The following GIT1 variants were observed in gnomAD, a reference collection of about 807,000 sequenced individuals.
GIT1 encodes the protein ARF GTPase-activating protein GIT1.
GIT1 carries 14 observed loss-of-function variants against 91.7 expected under a neutral mutation model. That is an observed-to-expected ratio of 0.15 (90% CI 0.10 to 0.24). The LOEUF is 0.24. Among genes scored for constraint, GIT1 ranks in the 10% least tolerant of loss-of-function variants. The pLI is 1.00. For synonymous variants in GIT1, 414 were observed against 418.2 expected, an observed-to-expected ratio of 0.99 and a Z score of 0.12; for missense variants, 717 against 1,024.9, an observed-to-expected ratio of 0.70 and a Z score of 4.10.
chr17:29,584,557 A>G (rs2033518140), intron 1 of GIT1, among the ~76,000 whole-genome samples: 1 of 152,154 alleles, frequency 6.6e-6, no homozygotes, highest in Non-Finnish European at 1.5e-5. Flanking sequence ...CAGGCTGCGG[A>G]AAGGTCACGG....
intron 1 of GIT1, 132 bp from the exon 2 acceptor site, chr17:29,583,748 G>A (rs2033484861): frequency 2.9e-6 from 3 of 1,035,610 alleles, no homozygotes; most frequent in Admixed American, 5.3e-5. Context: ...CCTAGGAGCT[G>A]GGACCATCAC....
At chr17:29,586,532 C>A (rs2033598953) in intron 1 of GIT1, among the ~76,000 whole-genome samples, 1 of 152,170 alleles carries the variant, frequency 6.6e-6, no homozygotes, top group African/African-American at 2.4e-5. Flanking sequence ...TTGACACACA[C>A]AAATTCTACC....
In GIT1 at chr17:29,576,225, T is replaced by C. The variant is rs374759955; in HGVS notation, c.1606A>G (p.Ser536Gly). The change falls in exon 14 of 20, where the codon AGC (serine) becomes GGC (glycine). Residue 536 changes from serine (S) to glycine (G), a missense_variant. Physicochemically the swap from Ser to Gly is moderately conservative, Grantham distance 56 (BLOSUM62 0). Transcript: ENST00000225394. Reference sequence around the variant, plus strand: ...GAGACCCATAGGTGACTCACAGTGCTGTGGAAAGGCTGCAGCCGCGTAGTG... The same window carrying C: ...GAGACCCATAGGTGACTCACAGTGCCGTGGAAAGGCTGCAGCCGCGTAGTG... Reference protein sequence around the residue: ...ELTTRLQPFHSTELEDDAIYS... With the variant: ...ELTTRLQPFHGTELEDDAIYS... The C allele has an allele frequency of 6.2e-7, 1 of 1,607,642 alleles. No individual in the cohort carries two copies. The highest frequency in any genetic ancestry group is 8.5e-7 in the Non-Finnish European group (1 of 1,175,400).
In GIT1 at chr17:29,576,641, C is replaced by A; in HGVS notation, c.1261G>T (p.Val421Leu). 2 of 1,614,028 alleles carry A rather than the reference C, an allele frequency of 1.2e-6. No homozygotes were observed. The highest frequency in any genetic ancestry group is 1.7e-6 in the Non-Finnish European group (2 of 1,179,998). The change falls in exon 13 of 20, where the codon GTG becomes TTG. Residue 421 changes from valine (V) to leucine (L), a missense_variant. Coordinates refer to ENST00000225394, the MANE Select transcript of GIT1 (RefSeq NM_014030.4). ...MDSSDLSDGA[V>L]TLQEYLELKK... ...AGCTCCAGGTACTCCTGCAGCGTCACAGCCCCGTCAGACAAGTCCGAGGAG... is the reference window on the plus strand; with the variant it reads ...AGCTCCAGGTACTCCTGCAGCGTCAAAGCCCCGTCAGACAAGTCCGAGGAG...
intron 2 of GIT1, 27 bp from the exon 3 acceptor site, chr17:29,583,064 G>C: frequency 7.0e-7 from 1 of 1,427,206 alleles, no homozygotes; most frequent in Non-Finnish European, 9.8e-7. Flanking sequence ...CCAAGTGAGA[G>C]AGTGCCCACT....
intron 1 of GIT1, among the ~76,000 whole-genome samples, chr17:29,587,251 T>C (rs1342856808): frequency 6.6e-6 from 1 of 152,100 alleles, no homozygotes; most frequent in Non-Finnish European, 1.5e-5. Flanking sequence ...AGGGCCAGCA[T>C]CCTAGGGTCC....
In GIT1 at chr17:29,589,385, C is replaced by G. The variant is rs975649793; in HGVS notation, c.-7G>C. ...GCGGCCCCTTTCGGGACATCCTCAG[C>G]GGCGACGCGGCCGCAGCCCTCTGGG... is the stretch of plus-strand genomic sequence containing the variant. On this transcript the variant is annotated 5_prime_UTR_variant, in exon 1 of 20. Coordinates refer to ENST00000225394, the MANE Select transcript of GIT1 (RefSeq NM_014030.4). The surrounding 1 kb of genome is among the most constrained non-coding windows in gnomAD (Gnocchi z 5.2). 1.4e-5 allele frequency: 15 copies of G among 1,053,762 alleles called. No homozygotes were observed. The highest frequency in any genetic ancestry group is 1.6e-5 in the Non-Finnish European group (14 of 866,752). The allele number at this position is 1,053,762 out of a possible 1,614,324, so 65.3% of individuals were successfully genotyped here. A position where few individuals can be genotyped will look rare whatever the true frequency, so the allele number is the denominator to read the frequency against.
At chr17:29,586,734 G>A (rs2033605034) in intron 1 of GIT1, among the ~76,000 whole-genome samples, 1 of 152,220 alleles carries the variant, frequency 6.6e-6, no homozygotes, top group African/African-American at 2.4e-5. Flanking sequence ...TGAGATAGAA[G>A]CCCATGGGGT....
chr17:29,587,987 G>C (rs973139585), intron 1 of GIT1, among the ~76,000 whole-genome samples: 1 of 152,220 alleles, frequency 6.6e-6, no homozygotes, highest in African/African-American at 2.4e-5. Context: ...CAACCCCAGG[G>C]CCCTCTAAAC....
In GIT1 at chr17:29,589,611, T is replaced by TCCTCTCTCCGCC. The variant is rs1286294742; in HGVS notation, c.-245_-234dup. ...GCGCCGCCCCGCCGCCGCTCGCGGC[T>TCCTCTCTCCGCC]CCTCTCTCCGCCCCCTGCGCGGCTC... On this transcript the variant is annotated 5_prime_UTR_variant, in exon 1 of 20. Coordinates refer to ENST00000225394, the MANE Select transcript of GIT1 (RefSeq NM_014030.4). This position sits in a 1 kb window ranked among gnomAD's most constrained non-coding sequence, Gnocchi z 5.2. 1.4e-5 allele frequency: 2 copies of TCCTCTCTCCGCC among 147,944 alleles called. No homozygotes were observed. Among genetic ancestry groups the TCCTCTCTCCGCC allele is most frequent in the East Asian group, 2.0e-4 (1 of 5,008 alleles). 9.2% of individuals were successfully genotyped at this position (147,944 alleles called of 1,614,324 possible). A position where few individuals can be genotyped will look rare whatever the true frequency, so the allele number is the denominator to read the frequency against.
intron 9 of GIT1, 23 bp from the exon 10 acceptor site, chr17:29,577,765 G>A (rs751371178): frequency 4.8e-5 from 71 of 1,469,532 alleles, no homozygotes; most frequent in Admixed American, 1.7e-5. Context: ...GACAGGAGCA[G>A]ATCAGCCACG....
chr17:29,575,147 G>C lies in GIT1; in HGVS notation c.2010-5C>G. The C allele has an allele frequency of 1.9e-6, 3 of 1,593,978 alleles. No individual in the cohort carries two copies. The highest frequency in any genetic ancestry group is 1.7e-5 in the Admixed American group (1 of 57,810). ...TTCTCTGAGCAGGGCACGAAGCTGC[G>C]GGGAGAAGGGAGGCTATAAAGCAGG... On this transcript the variant is annotated splice_region_variant and splice_polypyrimidine_tract_variant and intron_variant, in intron 18 of 19. Transcript: ENST00000225394. This position sits in a 1 kb window ranked among gnomAD's most constrained non-coding sequence, Gnocchi z 5.5.
chr17:29,578,888 C>G, intron 7 of GIT1, 109 bp from the exon 8 acceptor site: 1 of 1,569,856 alleles, frequency 6.4e-7, no homozygotes, highest in South Asian at 1.1e-5. Context: ...AGATGGCACC[C>G]CAGATGCTGC....
At chr17:29,578,518 G>T in intron 8 of GIT1, 147 bp from the exon 9 acceptor site, 1 of 873,230 alleles carries the variant, frequency 1.1e-6, no homozygotes, top group South Asian at 1.4e-5. Context: ...AAAGTGGAAA[G>T]GGATCATGTT....
At chr17:29,582,180 G>A (rs750664963) in intron 4 of GIT1, 36 bp from the exon 5 acceptor site, 1 of 1,449,188 alleles carries the variant, frequency 6.9e-7, no homozygotes, top group Non-Finnish European at 9.3e-7. Flanking sequence ...ATACGCATGT[G>A]CGTGAGGCGC....
Position 29,575,506 on chromosome 17 carries a change from C to G in GIT1, c.1827-36G>C, listed in dbSNP as rs376833810. On this transcript the variant is annotated intron_variant, in intron 17 of 19. Transcript: ENST00000225394. The surrounding 1 kb of genome is among the most constrained non-coding windows in gnomAD (Gnocchi z 5.5). ...GGTCCAGAAAACAGAGACAAAGATA[C>G]ATATAGAGAAAGACACGTTCCAGCC... 108 of 1,584,188 alleles carry G rather than the reference C, an allele frequency of 6.8e-5. No homozygotes were observed. Among genetic ancestry groups the G allele is most frequent in the Non-Finnish European group, 8.5e-5 (99 of 1,162,020 alleles).
At position 29,575,961 on chromosome 17, in the gene GIT1, G is replaced by A. The variant is rs2033180008; in HGVS notation, c.1666-63C>T. 1 of 1,535,376 alleles carries A rather than the reference G, an allele frequency of 6.5e-7. No homozygotes were observed. Among genetic ancestry groups the A allele is most frequent in the East Asian group, 2.3e-5 (1 of 44,010 alleles). On this transcript the variant is annotated intron_variant, in intron 15 of 19. Transcript: ENST00000225394. The surrounding 1 kb of genome is among the most constrained non-coding windows in gnomAD (Gnocchi z 5.5). ...CCCACTGCCCCCCTGCTCACCAGCA[G>A]TGCAGCAGGGACCAGGTCAGTCTAA...
At position 29,578,785 on chromosome 17, in the gene GIT1, G is replaced by C. The variant is rs2033301152; in HGVS notation, c.762-6C>G. On this transcript the variant is annotated splice_region_variant and splice_polypyrimidine_tract_variant and intron_variant, in intron 7 of 19. Transcript: ENST00000225394. ...CCAATTCGGATAAGTCAAGGCTGAG[G>C]GCAGAGGGAGATGGGAATTGGGAGG... 6.2e-7 allele frequency: 1 copy of C among 1,613,740 alleles called. No homozygotes were observed. The highest frequency in any genetic ancestry group is 8.5e-7 in the Non-Finnish European group (1 of 1,179,774).
chr17:29,581,577 G>C lies in GIT1; in HGVS notation c.718+165C>G, dbSNP rs922648439. The C allele has an allele frequency of 1.2e-5, 8 of 694,556 alleles. No individual in the cohort carries two copies. Among genetic ancestry groups the C allele is most frequent in the African/African-American group, 3.5e-5 (2 of 57,006 alleles). The allele number at this position is 694,556 out of a possible 1,614,324, so 43.0% of individuals were successfully genotyped here. On this transcript the variant is annotated intron_variant, in intron 6 of 19. Coordinates refer to ENST00000225394, the MANE Select transcript of GIT1 (RefSeq NM_014030.4). The surrounding 1 kb of genome is among the most constrained non-coding windows in gnomAD (Gnocchi z 4.8). ...ACCCCCACTCCCTAGCCCCAGCGAT[G>C]CTATGGCCCAGAGCCTGCAGTAATT...
Sources: allele counts gnomAD v4.1 joint callset (sites outside exome capture counted in the v4.1 genomes callset), GRCh38; gene constraint gnomAD v4.1.1; non-coding constraint Gnocchi (gnomAD v3.1); transcripts MANE v1.5; gene names NCBI Gene and HGNC (gene_info 2026-07-23, HGNC 2026-07-21).